EPHA6: variants seen among roughly 807,000 people sequenced by gnomAD.
The protein encoded by EPHA6 is ephrin type-A receptor 6.
In EPHA6, 50 loss-of-function variants were observed where a neutral mutation model predicts 112.0. The observed-to-expected ratio is 0.45, with a 90% CI of 0.36 to 0.56. EPHA6 has a LOEUF of 0.56. EPHA6 is among the 20% of genes least tolerant of loss of function. The probability of loss-of-function intolerance (pLI) is 0.00; values close to 1 mark genes in which losing one functional copy is unlikely to be tolerated. For missense variants in EPHA6, 1,280 were observed against 1,417.4 expected, an observed-to-expected ratio of 0.90 and a Z score of 1.56; for synonymous variants, 529 against 490.7, an observed-to-expected ratio of 1.08 and a Z score of -1.03.
intron 3 of EPHA6, among the ~76,000 whole-genome samples, chr3:97,196,695 G>A (rs1428569929): frequency 4.0e-5 from 6 of 151,468 alleles, no homozygotes; most frequent in African/African-American, 1.5e-4. Flanking sequence ...TACATTATGA[G>A]GCACACCAAT....
chr3:97,592,691 G>T lies in EPHA6; in HGVS notation c.2466G>T (p.Pro822=), dbSNP rs79333133. The T allele has an allele frequency of 3.1e-6, 5 of 1,610,102 alleles. No individual in the cohort carries two copies. The highest frequency in any genetic ancestry group is 1.7e-5 in the Admixed American group (1 of 59,062). The change falls in exon 12 of 18, where the codon CCG becomes CCT. Residue 822 remains proline, a synonymous_variant. Transcript: ENST00000389672. Reference sequence around the variant, plus strand: ...GGTTTTTAAATAGCATCCAGGCCCCGCATCCAGTGCCAGGGGGAGGATCTT... The same window carrying T: ...GGTTTTTAAATAGCATCCAGGCCCCTCATCCAGTGCCAGGGGGAGGATCTT... ...RAGFLNSIQA[P]HPVPGGGSLP...
chr3:97,480,474 C>T (rs2091499528), intron 9 of EPHA6, among the ~76,000 whole-genome samples: 1 of 152,092 alleles, frequency 6.6e-6, no homozygotes, highest in Non-Finnish European at 1.5e-5. Flanking sequence ...TTTAACAAAG[C>T]ACATCTTGCA....
chr3:97,139,611 TAAC>T (rs2075848311), intron 3 of EPHA6, among the ~76,000 whole-genome samples: 1 of 152,030 alleles, frequency 6.6e-6, no homozygotes, highest in African/African-American at 2.4e-5. Flanking sequence ...CTTGGCCCAC[TAAC>T]AGCACAAAGA....
intron 2 of EPHA6, among the ~76,000 whole-genome samples, chr3:96,932,052 G>A (rs1418740156): frequency 1.3e-5 from 2 of 152,154 alleles, no homozygotes; most frequent in Non-Finnish European, 2.9e-5. Context: ...CATGGGAGGA[G>A]ATTGGTTTCC....
chr3:97,492,908 G>A (rs967486009), intron 10 of EPHA6, among the ~76,000 whole-genome samples: 1 of 151,158 alleles, frequency 6.6e-6, no homozygotes, highest in African/African-American at 2.4e-5. Flanking sequence ...ACGTTTTCAA[G>A]TATTTAGAGC....
intron 1 of EPHA6, among the ~76,000 whole-genome samples, chr3:96,839,929 G>A (rs2034637221): frequency 6.6e-6 from 1 of 152,128 alleles, no homozygotes; most frequent in Non-Finnish European, 1.5e-5. Flanking sequence ...ATGGTGGTTA[G>A]AGAGGGCAGG....
intron 2 of EPHA6, among the ~76,000 whole-genome samples, chr3:96,951,619 C>T (rs574664625): frequency 1.4e-4 from 22 of 152,076 alleles, no homozygotes; most frequent in South Asian, 6.2e-4. Context: ...CATAATAACT[C>T]GAGGGAGCCA....
intron 5 of EPHA6, among the ~76,000 whole-genome samples, chr3:97,273,356 G>A (rs1447391674): frequency 6.6e-6 from 1 of 152,166 alleles, no homozygotes; most frequent in Non-Finnish European, 1.5e-5. Context: ...GTAAACAAGA[G>A]CAGGGCATTT....
chr3:97,304,494 A>G (rs914488332), intron 5 of EPHA6, among the ~76,000 whole-genome samples: 18 of 150,308 alleles, frequency 1.2e-4, no homozygotes, highest in African/African-American at 4.3e-4. Flanking sequence ...ACTTCAAACT[A>G]TACTACAAGG....
At chr3:96,890,938 T>G (rs2037922184) in intron 2 of EPHA6, among the ~76,000 whole-genome samples, 1 of 151,782 alleles carries the variant, frequency 6.6e-6, no homozygotes, top group South Asian at 2.1e-4. Context: ...ATAGAAAAAA[T>G]CAGCGAGGCA....
At chr3:97,031,067 G>C (rs967675614) in intron 3 of EPHA6, among the ~76,000 whole-genome samples, 1 of 151,664 alleles carries the variant, frequency 6.6e-6, no homozygotes, top group Admixed American at 6.6e-5. Context: ...GAATTTTTTA[G>C]AAGTGTACCA....
intron 2 of EPHA6, among the ~76,000 whole-genome samples, chr3:96,957,084 A>G (rs1039163395): frequency 1.3e-5 from 2 of 152,030 alleles, no homozygotes; most frequent in Admixed American, 1.3e-4. Context: ...TTAAAATTGG[A>G]TGAGCTAAAA....
At chr3:97,352,739 G>A (rs931999828) in intron 5 of EPHA6, among the ~76,000 whole-genome samples, 3 of 152,126 alleles carry the variant, frequency 2.0e-5, no homozygotes, top group Non-Finnish European at 4.4e-5. Flanking sequence ...CAATTCCTAG[G>A]GAGGTCTTGG....
chr3:97,548,229 C>G (rs1436915143), intron 11 of EPHA6, among the ~76,000 whole-genome samples: 1 of 152,074 alleles, frequency 6.6e-6, no homozygotes, highest in Non-Finnish European at 1.5e-5. Flanking sequence ...GTCTTGTTTT[C>G]TAATGATTAG....
chr3:97,572,489 T>A (rs2093344302), intron 11 of EPHA6, among the ~76,000 whole-genome samples: 1 of 152,110 alleles, frequency 6.6e-6, no homozygotes, highest in Non-Finnish European at 1.5e-5. Context: ...CCTGCTTTTT[T>A]GTCTTTGTTT....
intron 5 of EPHA6, among the ~76,000 whole-genome samples, chr3:97,353,624 G>T (rs543687846): frequency 6.6e-6 from 1 of 152,060 alleles, no homozygotes; most frequent in African/African-American, 2.4e-5. Flanking sequence ...GTCCCAAGTC[G>T]ATCCCTAAGG....
At chr3:96,956,024 A>G in intron 2 of EPHA6, among the ~76,000 whole-genome samples, 1 of 152,250 alleles carries the variant, frequency 6.6e-6, no homozygotes, top group Middle Eastern at 3.2e-3. Flanking sequence ...GAAATGGAAT[A>G]AACATGCTCT....
chr3:97,407,716 A>G (rs1173019076), intron 6 of EPHA6, among the ~76,000 whole-genome samples: 1 of 151,892 alleles, frequency 6.6e-6, no homozygotes, highest in African/African-American at 2.4e-5. Context: ...AAGTTACAAA[A>G]CTTTTTATTT....
intron 3 of EPHA6, among the ~76,000 whole-genome samples, chr3:97,052,218 C>T (rs891608169): frequency 7.9e-5 from 12 of 152,004 alleles, no homozygotes; most frequent in African/African-American, 2.9e-4. Context: ...ACTCTATTTC[C>T]CCCATGCCTG....
Sources: gnomAD v4.1 joint callset for allele counts (sites outside exome capture counted in the v4.1 genomes callset) on GRCh38, gnomAD v4.1.1 for gene constraint, MANE v1.5 for transcripts, NCBI Gene and HGNC (gene_info 2026-07-23, HGNC 2026-07-21) for gene names.